DST: variants seen among roughly 807,000 people sequenced by gnomAD.
The protein encoded by DST is bullous pemphigoid antigen.
DST carries 253 observed loss-of-function variants against 875.2 expected under a neutral mutation model. The observed-to-expected ratio is 0.29, with a 90% CI of 0.26 to 0.32. The LOEUF (loss-of-function observed/expected upper bound fraction) is 0.32. Ranked by LOEUF, DST falls within the 10% of genes least tolerant of loss-of-function variation. The probability of loss-of-function intolerance (pLI) is 1.00; values close to 1 mark genes in which losing one functional copy is unlikely to be tolerated. For missense variants in DST, 8,287 were observed against 9,111.6 expected (o/e 0.91, Z 3.68); for synonymous variants, 3,124 against 3,197.1 (o/e 0.98, Z 0.77).
At chr6:56,766,246 G>A (rs868864690) in intron 4 of DST, among the ~76,000 whole-genome samples, 2 of 152,158 alleles carry the variant, frequency 1.3e-5, no homozygotes, top group South Asian at 4.1e-4. Flanking sequence ...GAACACATGA[G>A]AACACATGAG....
In DST at chr6:56,508,596, A is replaced by G. The variant is rs1435748218; in HGVS notation, c.19172T>C (p.Phe6391Ser). 3 of 1,613,860 alleles carry G rather than the reference A, an allele frequency of 1.9e-6. No homozygotes were observed. In the East Asian group the frequency reaches 6.7e-5, roughly 36 times the overall value. Reference sequence around the variant, plus strand: ...TCCAGGATCTTCCAGGTCCCGGATGAAATCTTGAGTATCTTTAATGGTAAC... The same window carrying G: ...TCCAGGATCTTCCAGGTCCCGGATGGAATCTTGAGTATCTTTAATGGTAAC... ...LIVTIKDTQDFIRDLEDPGID... is the reference protein window; with the variant it reads ...LIVTIKDTQDSIRDLEDPGID... Residue 6391 changes from phenylalanine to serine, a missense_variant, in exon 75 of 104, where the codon TTC (phenylalanine) becomes TCC (serine). Physicochemically the swap from Phe to Ser is radical, Grantham distance 155. Coordinates refer to ENST00000680361, the MANE Select transcript of DST (RefSeq NM_001374736.1).
intron 17 of DST, among the ~76,000 whole-genome samples, chr6:56,641,415 T>C (rs2098900361): frequency 6.6e-6 from 1 of 151,974 alleles, no homozygotes; most frequent in Non-Finnish European, 1.5e-5. Context: ...GGCAAAACCC[T>C]GCCTCCACTA....
intron 49 of DST, among the ~76,000 whole-genome samples, chr6:56,588,649 T>G (rs1220901683): frequency 1.3e-5 from 2 of 152,194 alleles, no homozygotes; most frequent in Non-Finnish European, 2.9e-5. Flanking sequence ...AATGAACATA[T>G]CAGATGTAAG....
chr6:56,708,471 C>T (rs543625625), intron 5 of DST, among the ~76,000 whole-genome samples: 1 of 151,568 alleles, frequency 6.6e-6, no homozygotes, highest in South Asian at 2.1e-4. Context: ...CCAATACTGC[C>T]TGCTTTTCCT....
At chr6:56,572,350 G>C in intron 52 of DST, 84 bp from the exon 53 acceptor site, 2 of 885,000 alleles carry the variant, frequency 2.3e-6, no homozygotes, top group South Asian at 2.6e-5. Context: ...TGCGGGATCA[G>C]AATGGCTCTA....
intron 4 of DST, among the ~76,000 whole-genome samples, chr6:56,761,200 A>G (rs1470745417): frequency 1.3e-5 from 2 of 152,254 alleles, no homozygotes; most frequent in African/African-American, 4.8e-5. Context: ...CAGATCTTCC[A>G]GCCCCAGTCA....
chr6:56,551,512 T>A (rs530660010), intron 61 of DST, among the ~76,000 whole-genome samples: 1 of 152,190 alleles, frequency 6.6e-6, no homozygotes, highest in Non-Finnish European at 1.5e-5. Flanking sequence ...CCAAATCCAA[T>A]GACACGGAAA....
At chr6:56,902,754 C>T (rs1794716104) in intron 2 of DST, among the ~76,000 whole-genome samples, 1 of 152,184 alleles carries the variant, frequency 6.6e-6, no homozygotes, top group Admixed American at 6.5e-5. Context: ...TCAGGAGGTA[C>T]TACAGCAGCT....
intron 90 of DST, among the ~76,000 whole-genome samples, chr6:56,478,611 A>G (rs770799475): frequency 7.2e-5 from 11 of 152,232 alleles, no homozygotes; most frequent in Non-Finnish European, 1.5e-4. Context: ...CAAAATGAGA[A>G]TCTTTGCCCT....
At chr6:56,790,171 G>A (rs900200607) in intron 4 of DST, among the ~76,000 whole-genome samples, 31 of 151,930 alleles carry the variant, frequency 2.0e-4, no homozygotes, top group African/African-American at 5.1e-4. Context: ...CTCCAGAGCC[G>A]GAATTTTTCT....
At chr6:56,735,799 A>G (rs578088907) in intron 4 of DST, among the ~76,000 whole-genome samples, 3 of 152,320 alleles carry the variant, frequency 2.0e-5, no homozygotes, top group Non-Finnish European at 4.4e-5. Flanking sequence ...TTTGGCTTGA[A>G]GTAGACTCTG....
Position 56,572,754 on chromosome 6 carries a change from T to C in DST, c.13547A>G (p.Tyr4516Cys), listed in dbSNP as rs1430459738. Reference sequence around the variant, plus strand: ...GTAGTAAGGGAGGCATACCTGCATATACTGAGACAATTCAGTAACATCTTT... The same window carrying C: ...GTAGTAAGGGAGGCATACCTGCATACACTGAGACAATTCAGTAACATCTTT... ...PGKDVTELSQ[Y>C]MQESTSEFLE... Residue 4516 changes from tyrosine (Y) to cysteine (C), a missense_variant, in exon 52 of 104, where the codon TAT (tyrosine) becomes TGT (cysteine). Around this residue, in one of 10 missense-constraint regions of DST, gnomAD observed 1,513 missense variants for 1,677.8 expected, o/e 0.90. Transcript: ENST00000680361. The C allele has an allele frequency of 1.3e-6, 2 of 1,589,518 alleles. No individual in the cohort carries two copies.
chr6:56,855,654 T>C (rs1248866730), intron 3 of DST, among the ~76,000 whole-genome samples: 1 of 152,226 alleles, frequency 6.6e-6, no homozygotes, highest in Non-Finnish European at 1.5e-5. Flanking sequence ...TATTTTATAA[T>C]AATTTGCATT....
Position 56,471,138 on chromosome 6 carries a change from C to A in DST, c.22289G>T (p.Arg7430Leu). Reference sequence around the variant, plus strand: ...AAGAATTCCATCAATAAATTCCTGCCGCGTTATTTTCCCATCCTGGTCTTT... The same window carrying A: ...AAGAATTCCATCAATAAATTCCTGCAGCGTTATTTTCCCATCCTGGTCTTT... ...IDKDQDGKIT[R>L]QEFIDGILSS... The change falls in exon 95 of 104, where the codon CGG becomes CTG. Residue 7430 changes from arginine (R) to leucine (L), a missense_variant. Arg to Leu is a moderately radical substitution (Grantham distance 102). Transcript: ENST00000680361. The A allele has an allele frequency of 6.2e-7, 1 of 1,611,300 alleles. No homozygotes were observed. The highest frequency in any genetic ancestry group is 8.5e-7 in the Non-Finnish European group (1 of 1,178,752).
At chr6:56,549,830 C>A (rs999460981) in intron 61 of DST, among the ~76,000 whole-genome samples, 2 of 152,030 alleles carry the variant, frequency 1.3e-5, no homozygotes, top group Non-Finnish European at 2.9e-5. Context: ...AGAAAATCCC[C>A]CAGAGAAAAT....
Position 56,619,867 on chromosome 6 carries a change from A to G in DST, c.4929+4663T>C, listed in dbSNP as rs765411314. ...ACGTTTTTTCAAGCTGGAGGGCATT[A>G]AGTTCATATGTCAGCTCTCTCATGT... On this transcript the variant is annotated intron_variant, in intron 36 of 103. Transcript: ENST00000680361. 5.0e-6 allele frequency: 8 copies of G among 1,613,974 alleles called. 1 individual carries two copies. The Admixed American group carries it at 8.3e-5, about 17-fold the overall frequency.
chr6:56,621,428 G>A (rs1242933989), intron 36 of DST, among the ~76,000 whole-genome samples: 1 of 152,158 alleles, frequency 6.6e-6, no homozygotes, highest in Non-Finnish European at 1.5e-5. Context: ...AGTCCTGATG[G>A]CTCTGGAAAA....
chr6:56,886,763 T>C (rs900210049), intron 3 of DST, among the ~76,000 whole-genome samples: 2 of 119,722 alleles, frequency 1.7e-5, no homozygotes, highest in Non-Finnish European at 3.3e-5. Flanking sequence ...GCAATGAGAG[T>C]GAAACTCAGT....
At chr6:56,683,439 G>A (rs2099166181) in intron 9 of DST, among the ~76,000 whole-genome samples, 1 of 152,120 alleles carries the variant, frequency 6.6e-6, no homozygotes, top group Admixed American at 6.5e-5. Flanking sequence ...CCAGATTCAA[G>A]CAATTCTCCT....
Sources: gnomAD v4.1 joint callset for allele counts (sites outside exome capture counted in the v4.1 genomes callset) on GRCh38, gnomAD v4.1.1 for gene constraint, gnomAD v4.1.1 regional missense constraint, MANE v1.5 for transcripts, NCBI Gene and HGNC (gene_info 2026-07-23, HGNC 2026-07-21) for gene names.